The following LOC400499 variants were observed in gnomAD, a reference collection of about 807,000 sequenced individuals.
chr16:11,449,164 G>A, the LOC400499 span: 1 of 1,315,380 alleles, frequency 7.6e-7, no homozygotes, highest in South Asian at 2.0e-5. Flanking sequence ...TCCTCCACCT[G>A]GGATACCCTT....
chr16:11,502,570 C>G, the LOC400499 span, among the ~76,000 whole-genome samples: 1 of 151,430 alleles, frequency 6.6e-6, no homozygotes, highest in Non-Finnish European at 1.5e-5. Flanking sequence ...TAGCATATTT[C>G]AAATATTTAG....
At chr16:11,487,317 G>C in the LOC400499 span, 1 of 399,352 alleles carries the variant, frequency 2.5e-6, no homozygotes. Flanking sequence ...GACTGTGGCA[G>C]AACGGGGAAG....
chr16:11,403,479 A>G, the LOC400499 span, among the ~76,000 whole-genome samples: 1 of 152,078 alleles, frequency 6.6e-6, no homozygotes, highest in Admixed American at 6.5e-5. Flanking sequence ...ACATGAGCAC[A>G]CATACACTCA....
At chr16:11,478,547 C>A in the LOC400499 span, 1 of 399,002 alleles carries the variant, frequency 2.5e-6, no homozygotes, top group Non-Finnish European at 4.4e-6. Flanking sequence ...AGCTTGATGG[C>A]GAGCTCGGCC....
At chr16:11,406,905 A>G in the LOC400499 span, among the ~76,000 whole-genome samples, 2 of 152,112 alleles carry the variant, frequency 1.3e-5, no homozygotes, top group African/African-American at 4.8e-5. Context: ...CGTTTGTGTG[A>G]TTTCGGGGAG....
the LOC400499 span, among the ~76,000 whole-genome samples, chr16:11,496,916 G>A: frequency 4.0e-5 from 6 of 149,408 alleles, no homozygotes; most frequent in Admixed American, 6.6e-5. Flanking sequence ...GTGTGTGTGT[G>A]TGTGTGTGTG....
At chr16:11,460,621 C>T in the LOC400499 span, 1 of 1,525,512 alleles carries the variant, frequency 6.6e-7, no homozygotes, top group Non-Finnish European at 8.8e-7. Context: ...CTGTGTGGAT[C>T]AACCCAGAGA....
chr16:11,374,282 GT>G, the LOC400499 span, among the ~76,000 whole-genome samples: 1 of 152,014 alleles, frequency 6.6e-6, no homozygotes, highest in South Asian at 2.1e-4. Flanking sequence ...GTTTATCATC[GT>G]ATCACCATGC....
chr16:11,387,177 A>G, the LOC400499 span: 6 of 1,232,228 alleles, frequency 4.9e-6, no homozygotes, highest in African/African-American at 7.7e-5. Flanking sequence ...TTGGCCCCAG[A>G]CAGCTCTCGG....
the LOC400499 span, chr16:11,456,754 C>A: frequency 3.7e-6 from 5 of 1,358,540 alleles, no homozygotes; most frequent in South Asian, 1.3e-5. Context: ...TTAGCCTAGC[C>A]AACAAAAGGA....
At chr16:11,497,992 G>T in the LOC400499 span, among the ~76,000 whole-genome samples, 1 of 152,132 alleles carries the variant, frequency 6.6e-6, no homozygotes, top group Non-Finnish European at 1.5e-5. Context: ...CCCTTATTAA[G>T]CTGATTTCAC....
At chr16:11,419,887 C>T in the LOC400499 span, among the ~76,000 whole-genome samples, 80 of 151,582 alleles carry the variant, frequency 5.3e-4, no homozygotes, top group Non-Finnish European at 9.0e-4. Flanking sequence ...ATCAAAACCA[C>T]AATGAGATAC....
At chr16:11,373,368 G>A in the LOC400499 span, among the ~76,000 whole-genome samples, 11 of 152,284 alleles carry the variant, frequency 7.2e-5, no homozygotes, top group South Asian at 2.1e-3. Context: ...TTTCTGAGAT[G>A]GAGTCTCGCG....
the LOC400499 span, among the ~76,000 whole-genome samples, chr16:11,463,645 G>C: frequency 6.6e-6 from 1 of 152,186 alleles, no homozygotes; most frequent in East Asian, 1.9e-4. Flanking sequence ...TCTACACGTG[G>C]ATTGTGTGAA....
the LOC400499 span, chr16:11,390,502 G>A: frequency 1.6e-6 from 2 of 1,232,204 alleles, no homozygotes; most frequent in South Asian, 8.2e-5. Context: ...AGACCTCAGG[G>A]CAGGTCAGAG....
the LOC400499 span, among the ~76,000 whole-genome samples, chr16:11,438,061 C>G: frequency 6.6e-6 from 1 of 152,148 alleles, no homozygotes; most frequent in African/African-American, 2.4e-5. Flanking sequence ...CGCCACCTCT[C>G]TAAATCTCAG....
chr16:11,492,252 A>G, the LOC400499 span, among the ~76,000 whole-genome samples: 1 of 148,018 alleles, frequency 6.8e-6, no homozygotes, highest in East Asian at 2.0e-4. Flanking sequence ...CTCCACAGCC[A>G]GCCAGCCAGC....
the LOC400499 span, among the ~76,000 whole-genome samples, chr16:11,510,791 G>A: frequency 1.3e-5 from 2 of 151,476 alleles, no homozygotes; most frequent in African/African-American, 2.4e-5. Context: ...ATTCTCCCAC[G>A]ACAGTTGGGA....
the LOC400499 span, among the ~76,000 whole-genome samples, chr16:11,504,923 G>GAA: frequency 1.4e-5 from 2 of 147,326 alleles, no homozygotes; most frequent in African/African-American, 5.0e-5. Context: ...ACCCTGTCTC[G>GAA]AAAAAAAAAA....
Sources: allele counts gnomAD v4.1 joint callset (sites outside exome capture counted in the v4.1 genomes callset), GRCh38; gene constraint gnomAD v4.1.1; transcripts MANE v1.5.